Variants in HTT observed in about 807,000 individuals in gnomAD.
HTT encodes huntington disease protein.
Under a neutral mutation model 362.3 loss-of-function variants are expected in HTT, and 104 were observed. The ratio of observed to expected loss-of-function variants is 0.29; its 90% CI spans 0.24 to 0.34. The LOEUF is 0.34. Ranked by LOEUF, HTT falls within the 10% of genes least tolerant of loss-of-function variation. HTT has a pLI of 1.00. For synonymous variants in HTT, 1,577 were observed against 1,548.7 expected (o/e 1.02, Z -0.43); for missense variants, 3,301 against 3,928.6 (o/e 0.84, Z 4.27).
chr4:3,238,271 T>C (rs1299610304), intron 64 of HTT, among the ~76,000 whole-genome samples, 176 bp from the exon 65 acceptor site: 1 of 152,210 alleles, frequency 6.6e-6, no homozygotes, highest in Non-Finnish European at 1.5e-5. Flanking sequence ...AAATTCGTAC[T>C]CCAGTTGCTT....
intron 46 of HTT, among the ~76,000 whole-genome samples, chr4:3,209,474 A>G (rs1402233040): frequency 2.6e-5 from 4 of 152,240 alleles, no homozygotes; most frequent in Admixed American, 6.5e-5. Flanking sequence ...CTTAGGCTCT[A>G]TTCGCTAAGC....
chr4:3,178,800 C>A (rs924789084), intron 35 of HTT, among the ~76,000 whole-genome samples: 39 of 152,324 alleles, frequency 2.6e-4, no homozygotes, highest in African/African-American at 9.1e-4. Context: ...ACTAAAAATT[C>A]TTAAATCGAA....
rs1714643693 is a variant in HTT, at chr4:3,109,847, C to T, written c.747+2424C>T. 7.2e-5 allele frequency among the ~76,000 whole-genome samples: 11 copies of T among 152,104 alleles called. No individual in the cohort carries two copies. The South Asian group carries it at 2.3e-3, about 32-fold the overall frequency. On this transcript the variant is annotated intron_variant, in intron 6 of 66. Transcript: ENST00000355072. ...GCTGATCACCTACTCATAGGCCAGG[C>T]CCCTATCGAAGTTCTAGGTGACCCA...
intron 45 of HTT, among the ~76,000 whole-genome samples, chr4:3,208,023 G>C (rs1719954639): frequency 6.6e-6 from 1 of 152,132 alleles, no homozygotes; most frequent in Non-Finnish European, 1.5e-5. Context: ...ACTTTGAGCT[G>C]AAACTGCAAA....
At chr4:3,139,634 G>T (rs1368344376) in intron 21 of HTT, among the ~76,000 whole-genome samples, 3 of 152,228 alleles carry the variant, frequency 2.0e-5, no homozygotes, top group African/African-American at 7.2e-5. Flanking sequence ...GTATTACTGA[G>T]TGTTGATGGC....
At chr4:3,219,370 G>A (rs1720572205) in intron 52 of HTT, among the ~76,000 whole-genome samples, 1 of 152,190 alleles carries the variant, frequency 6.6e-6, no homozygotes, top group African/African-American at 2.4e-5. Context: ...CACGCTGTAG[G>A]TAAAATTCCT....
chr4:3,215,023 G>T (rs362327), intron 50 of HTT, 87 bp from the exon 51 acceptor site: 1 of 1,105,956 alleles, frequency 9.0e-7, no homozygotes, highest in Admixed American at 2.2e-5. Context: ...TTCAACTTTT[G>T]TGAGGCTGCA....
At position 3,160,443 on chromosome 4, in the gene HTT, C is replaced by T. The variant is rs77090228; in HGVS notation, c.3864+51C>T. The T allele has an allele frequency of 8.8e-3, 10,793 of 1,231,642 alleles. 152 individuals carry two copies. Among genetic ancestry groups the T allele is most frequent in the African/African-American group, 0.054 (3,604 of 67,126 alleles). The allele number at this position is 1,231,642 out of a possible 1,614,324, so 76.3% of individuals were successfully genotyped here. ...GGTTGTGGCTGGCACACTTGATGTGCGTCTTCTGGGCTGAGTTCATCTAGG... is the reference window on the plus strand; with the variant it reads ...GGTTGTGGCTGGCACACTTGATGTGTGTCTTCTGGGCTGAGTTCATCTAGG... On this transcript the variant is annotated intron_variant, in intron 29 of 66. Coordinates refer to ENST00000355072, the MANE Select transcript of HTT (RefSeq NM_001388492.1).
At position 3,103,816 on chromosome 4, in the gene HTT, T is replaced by G; in HGVS notation, c.469-8T>G. On this transcript the variant is annotated splice_region_variant and splice_polypyrimidine_tract_variant and intron_variant, in intron 3 of 66. Transcript: ENST00000355072. ...TGTCTTCCATAAATCTCTTGTGATT[T>G]GTTGTAGGCTTTGATGGATTCTAAT... 6.3e-7 allele frequency: 1 copy of G among 1,575,368 alleles called. No homozygotes were observed. The highest frequency in any genetic ancestry group is 8.7e-7 in the Non-Finnish European group (1 of 1,147,042).
intron 40 of HTT, among the ~76,000 whole-genome samples, chr4:3,191,435 G>C (rs1264411031): frequency 6.6e-6 from 1 of 152,122 alleles, no homozygotes; most frequent in Non-Finnish European, 1.5e-5. Context: ...GCCTCCCAAA[G>C]TGCTGGGATT....
At position 3,138,778 on chromosome 4, in the gene HTT, A is replaced by G. The variant is rs555752074; in HGVS notation, c.2799-1732A>G. 2.0e-5 allele frequency among the ~76,000 whole-genome samples: 3 copies of G among 152,086 alleles called. No homozygotes were observed. In the South Asian group the frequency reaches 6.2e-4, roughly 32 times the overall value. The stretch of plus-strand genomic sequence containing the variant: ...AGGCGAGGGCCACCACTGCCAGCTA[A>G]TTTTTGTATTTTTTGGTAGAGATGG... On this transcript the variant is annotated intron_variant, in intron 21 of 66. Transcript: ENST00000355072.
Position 3,140,563 on chromosome 4 carries a change from T to C in HTT, c.2852T>C (p.Val951Ala). The change falls in exon 22 of 67, where the codon GTG becomes GCG. Residue 951 changes from valine to alanine, a missense_variant. Transcript: ENST00000355072. ...GACCAAGGACAAGCTGATCCAGTAGTGGCCGTGGCAAGAGATCAAAGCAGT... is the reference window on the plus strand; with the variant it reads ...GACCAAGGACAAGCTGATCCAGTAGCGGCCGTGGCAAGAGATCAAAGCAGT... ...KCDQGQADPV[V>A]AVARDQSSVY... 6.2e-7 allele frequency: 1 copy of C among 1,614,122 alleles called. No individual in the cohort carries two copies. Among genetic ancestry groups the C allele is most frequent in the Non-Finnish European group, 8.5e-7 (1 of 1,179,944 alleles).
rs778995684 is a variant in HTT, at chr4:3,142,921, G to C, written c.3066+35G>C. 53 of 1,596,134 alleles carry C rather than the reference G, an allele frequency of 3.3e-5. 2 individuals are homozygous for C. The South Asian group carries it at 5.9e-4, about 18-fold the overall frequency. On this transcript the variant is annotated intron_variant, in intron 23 of 66. Transcript: ENST00000355072. ...TTTCTTGATCGGTCTTACTGACATT[G>C]TAATAGTTTTTGGTAGCTTGTATGG...
At chr4:3,140,309 C>G (rs139179816) in intron 21 of HTT, among the ~76,000 whole-genome samples, 1 of 151,824 alleles carries the variant, frequency 6.6e-6, no homozygotes, top group Non-Finnish European at 1.5e-5. Flanking sequence ...CAGTTATGTC[C>G]GAGTGGGTGC....
chr4:3,229,256 A>G lies in HTT; in HGVS notation c.8109+247A>G, dbSNP rs1721091630. The stretch of plus-strand genomic sequence containing the variant: ...ATGCCACACACACACGCCACACCAC[A>G]TGCACCACACACATGCCACATGCAC... On this transcript the variant is annotated intron_variant, in intron 59 of 66. Transcript: ENST00000355072. Among the ~76,000 whole-genome samples the G allele has an allele frequency of 2.2e-5, 3 of 137,320 alleles. No homozygotes were observed. In the South Asian group the frequency reaches 6.9e-4, roughly 32 times the overall value. 90.1% of individuals were successfully genotyped at this position (137,320 alleles called of 152,430 possible).
At chr4:3,130,484 G>A (rs1715756637) in intron 14 of HTT, 61 bp downstream of exon 14, 5 of 898,584 alleles carry the variant, frequency 5.6e-6, no homozygotes, top group Admixed American at 4.5e-5. Context: ...ATTTAAAATC[G>A]CCCTGGCTAC....
At chr4:3,099,622 G>A (rs1167112820) in intron 3 of HTT, among the ~76,000 whole-genome samples, 9 of 77,462 alleles carry the variant, frequency 1.2e-4, no homozygotes, top group Non-Finnish European at 2.5e-4. Flanking sequence ...GTATGGTTTG[G>A]AGGTGCTCTT....
In HTT at chr4:3,186,545, C is replaced by T. The variant is rs1383855938; in HGVS notation, c.4867-52C>T. On this transcript the variant is annotated intron_variant, in intron 37 of 66. Transcript: ENST00000355072. Reference sequence around the variant, plus strand: ...AGTTACATAGCTGGTGTACAGGAAGCTGTCGTTTCTTTTGGCTTACGTAGA... The same window carrying T: ...AGTTACATAGCTGGTGTACAGGAAGTTGTCGTTTCTTTTGGCTTACGTAGA... 4 of 1,596,152 alleles carry T rather than the reference C, an allele frequency of 2.5e-6. No homozygotes were observed. In the East Asian group the frequency reaches 9.0e-5, roughly 36 times the overall value.
In HTT at chr4:3,083,584, CACATAT is replaced by C. The variant is rs1459281603; in HGVS notation, c.264-3353_264-3348del. Among the ~76,000 whole-genome samples, 10 of 123,186 alleles carry C rather than the reference CACATAT, an allele frequency of 8.1e-5. No individual in the cohort carries two copies. In the East Asian group the frequency reaches 1.3e-3, roughly 16 times the overall value. The allele number at this position is 123,186 out of a possible 152,430, so 80.8% of individuals were successfully genotyped here. ...ACACACACACACACACACACACACA[CACATAT>C]ATATGTATATATATGCATTTAGATG... On this transcript the variant is annotated intron_variant, in intron 1 of 66. Transcript: ENST00000355072.
Sources: gnomAD v4.1 joint callset for allele counts (sites outside exome capture counted in the v4.1 genomes callset) on GRCh38, gnomAD v4.1.1 for gene constraint, MANE v1.5 for transcripts, NCBI Gene and HGNC (gene_info 2026-07-23, HGNC 2026-07-21) for gene names.